Variants in EGFR observed in about 807,000 individuals in gnomAD.
The protein encoded by EGFR is epidermal growth factor receptor.
EGFR carries 58 observed loss-of-function variants against 143.0 expected under a neutral mutation model. The observed-to-expected ratio is 0.41, with a 90% CI of 0.33 to 0.50. EGFR has a LOEUF of 0.50. Among genes scored for constraint, EGFR ranks in the 20% least tolerant of loss-of-function variants. The pLI is 0.39. For missense variants in EGFR, 1,307 were observed against 1,579.0 expected, an observed-to-expected ratio of 0.83 and a Z score of 2.92; for synonymous variants, 613 against 594.4, an observed-to-expected ratio of 1.03 and a Z score of -0.45.
At chr7:55,034,597 T>C (rs1417322271) in intron 1 of EGFR, among the ~76,000 whole-genome samples, 1 of 152,162 alleles carries the variant, frequency 6.6e-6, no homozygotes, top group African/African-American at 2.4e-5. Flanking sequence ...CTTCACCTAG[T>C]GTGTAATAAG....
At chr7:55,114,879 CTTTT>C (rs777244842) in intron 1 of EGFR, among the ~76,000 whole-genome samples, 2 of 122,768 alleles carry the variant, frequency 1.6e-5, no homozygotes. Flanking sequence ...TTGTATTATT[CTTTT>C]TTTTTTTTTT....
chr7:55,172,124 C>T (rs1343050287), intron 16 of EGFR, among the ~76,000 whole-genome samples: 1 of 152,192 alleles, frequency 6.6e-6, no homozygotes, highest in Non-Finnish European at 1.5e-5. Context: ...GGATCTTAGT[C>T]ACGGGGCTTT....
In EGFR at chr7:55,198,714, C is replaced by T. The variant is rs757467886; in HGVS notation, c.2702-3C>T. ...GCCTTCTTTTCTTGCTTCATCCTCT[C>T]AGGGGTGACTGTTTGGGAGTTGATG... On this transcript the variant is annotated splice_region_variant and splice_polypyrimidine_tract_variant and intron_variant, in intron 22 of 27. Transcript: ENST00000275493. The T allele has an allele frequency of 6.2e-7, 1 of 1,614,220 alleles. No individual in the cohort carries two copies. The highest frequency in any genetic ancestry group is 1.7e-5 in the Admixed American group (1 of 60,032).
chr7:55,099,189 C>T (rs867003018), intron 1 of EGFR, among the ~76,000 whole-genome samples: 5 of 152,206 alleles, frequency 3.3e-5, no homozygotes, highest in Non-Finnish European at 5.9e-5. Context: ...CTGGAATTAA[C>T]GGATCAGGAT....
intron 1 of EGFR, among the ~76,000 whole-genome samples, chr7:55,042,794 A>G (rs1289543841): frequency 2.0e-5 from 3 of 152,096 alleles, no homozygotes; most frequent in Non-Finnish European, 4.4e-5. Context: ...TATTGTCTTG[A>G]CTTTGCATCT....
At chr7:55,150,873 G>T (rs1369492976) in intron 4 of EGFR, among the ~76,000 whole-genome samples, 1 of 152,202 alleles carries the variant, frequency 6.6e-6, no homozygotes, top group African/African-American at 2.4e-5. Context: ...TCCCAGAACG[G>T]CTGACACATG....
At chr7:55,159,890 T>C (rs1284306811) in intron 11 of EGFR, among the ~76,000 whole-genome samples, 1 of 152,190 alleles carries the variant, frequency 6.6e-6, no homozygotes, top group East Asian at 1.9e-4. Flanking sequence ...CATTAAGGCA[T>C]TTTATTCATC....
intron 1 of EGFR, among the ~76,000 whole-genome samples, chr7:55,105,283 G>T (rs908893158): frequency 5.3e-5 from 8 of 152,236 alleles, no homozygotes; most frequent in African/African-American, 1.9e-4. Flanking sequence ...GCTGAGAAGA[G>T]TGGGGAATGC....
At chr7:55,061,747 C>T (rs188040451) in intron 1 of EGFR, among the ~76,000 whole-genome samples, 52 of 151,724 alleles carry the variant, frequency 3.4e-4, no homozygotes, top group Admixed American at 3.0e-3. Context: ...TGGAACTTAG[C>T]TAAAAGATGG....
intron 1 of EGFR, among the ~76,000 whole-genome samples, chr7:55,031,970 G>A (rs1343942233): frequency 6.6e-6 from 1 of 152,176 alleles, no homozygotes; most frequent in East Asian, 1.9e-4. Context: ...TCACAGGTGA[G>A]AGGGGCTGTT....
intron 1 of EGFR, among the ~76,000 whole-genome samples, chr7:55,075,191 T>TAAA: frequency 7.4e-6 from 1 of 134,936 alleles, no homozygotes; most frequent in African/African-American, 2.8e-5. Context: ...AAGCAGGAGC[T>TAAA]AAAAAAAAAA....
intron 1 of EGFR, among the ~76,000 whole-genome samples, chr7:55,122,329 G>A (rs1280506330): frequency 2.6e-5 from 4 of 152,162 alleles, no homozygotes; most frequent in Non-Finnish European, 4.4e-5. Context: ...GCCTCACATC[G>A]TTAGTGTTCC....
chr7:55,080,191 G>T (rs1309821054), intron 1 of EGFR, among the ~76,000 whole-genome samples: 1 of 152,052 alleles, frequency 6.6e-6, no homozygotes, highest in Admixed American at 6.6e-5. Context: ...TGAGGTCAAG[G>T]TTCTTTTTTT....
At chr7:55,185,700 T>C (rs986376464) in intron 20 of EGFR, among the ~76,000 whole-genome samples, 1 of 152,188 alleles carries the variant, frequency 6.6e-6, no homozygotes, top group African/African-American at 2.4e-5. Context: ...ACAATATCAG[T>C]TTACAGTCCT....
intron 1 of EGFR, among the ~76,000 whole-genome samples, chr7:55,121,990 C>A (rs1793236250): frequency 6.6e-6 from 1 of 152,194 alleles, no homozygotes; most frequent in Non-Finnish European, 1.5e-5. Flanking sequence ...ACTGATTCTT[C>A]ACTATCCAAA....
chr7:55,061,647 TGTGA>T lies in EGFR; in HGVS notation c.88+42284_88+42287del, dbSNP rs775317103. 9.8e-3 allele frequency among the ~76,000 whole-genome samples: 974 copies of T among 99,636 alleles called. 10 individuals carry two copies. The highest frequency in any genetic ancestry group is 0.056 in the Middle Eastern group (10 of 178). The allele number at this position is 99,636 out of a possible 152,430, so 65.4% of individuals were successfully genotyped here. ...GTGTGTGTGTGTGTGTGTGTGTGTGTGTGAGAGAGAGAGAGAGAGAGAGAGACTG... is the reference window on the plus strand; with the variant it reads ...GTGTGTGTGTGTGTGTGTGTGTGTGTGAGAGAGAGAGAGAGAGAGAGACTG... On this transcript the variant is annotated intron_variant, in intron 1 of 27. Coordinates refer to ENST00000275493, the MANE Select transcript of EGFR (RefSeq NM_005228.5).
chr7:55,197,511 A>G (rs959227101), intron 22 of EGFR, among the ~76,000 whole-genome samples: 1 of 152,022 alleles, frequency 6.6e-6, no homozygotes, highest in Non-Finnish European at 1.5e-5. Context: ...TCTTTCTCTC[A>G]CCTGATTTAT....
Position 55,140,893 on chromosome 7 carries a change from G to A in EGFR, c.89-1393G>A, listed in dbSNP as rs143110400. On this transcript the variant is annotated intron_variant, in intron 1 of 27. Transcript: ENST00000275493. ...TGCTTCATGTTTAATGTTTGTGTAA[G>A]TGCTTTGGGTTGGTTATGTGCTGTC... Among the ~76,000 whole-genome samples the A allele has an allele frequency of 6.9e-4, 105 of 152,332 alleles. 1 individual carries two copies. Among genetic ancestry groups the A allele is most frequent in the African/African-American group, 2.5e-3 (102 of 41,578 alleles).
intron 20 of EGFR, among the ~76,000 whole-genome samples, chr7:55,189,834 A>T (rs2128963043): frequency 6.6e-6 from 1 of 152,308 alleles, no homozygotes; most frequent in African/African-American, 2.4e-5. Flanking sequence ...AGAAGAGAGA[A>T]GAGGAGATAG....
Sources: allele counts gnomAD v4.1 joint callset (sites outside exome capture counted in the v4.1 genomes callset), GRCh38; gene constraint gnomAD v4.1.1; transcripts MANE v1.5; gene names NCBI Gene and HGNC (gene_info 2026-07-23, HGNC 2026-07-21).